Variants in CTR9 observed in about 807,000 individuals in gnomAD.
CTR9 encodes CTR9 component of Paf1/RNA polymerase II complex.
CTR9 carries 41 observed loss-of-function variants against 152.1 expected under a neutral mutation model. The observed-to-expected ratio is 0.27, with a 90% CI of 0.21 to 0.35. The LOEUF (loss-of-function observed/expected upper bound fraction) is 0.35. Among genes scored for constraint, CTR9 ranks in the 10% least tolerant of loss-of-function variants. The pLI, the probability that CTR9 is intolerant of heterozygous loss-of-function variation, is 1.00. For missense variants in CTR9, 917 were observed against 1,424.4 expected (o/e 0.64, Z 5.73); for synonymous variants, 476 against 496.2 (o/e 0.96, Z 0.54).
chr11:10,778,630 C>A, intron 24 of CTR9, 49 bp from the exon 25 acceptor site: 1 of 1,556,418 alleles, frequency 6.4e-7, no homozygotes, highest in Non-Finnish European at 8.7e-7. Context: ...TCATCAAGGC[C>A]CCAGTTAGCC....
At chr11:10,762,846 T>C (rs1056547707) in intron 7 of CTR9, among the ~76,000 whole-genome samples, 1 of 151,672 alleles carries the variant, frequency 6.6e-6, no homozygotes, top group Non-Finnish European at 1.5e-5. Context: ...TCTACAGAAA[T>C]TTTTAAAAAT....
In CTR9 at chr11:10,778,963, G is replaced by C; in HGVS notation, c.3380G>C (p.Ser1127Thr). The C allele has an allele frequency of 6.2e-7, 1 of 1,614,176 alleles. No individual in the cohort carries two copies. Among genetic ancestry groups the C allele is most frequent in the Non-Finnish European group, 8.5e-7 (1 of 1,180,028 alleles). ...SENDSRPASPSAESDHESERG... is the reference protein window; with the variant it reads ...SENDSRPASPTAESDHESERG... ...AACGACTCTCGCCCAGCTTCTCCAA[G>C]TGCCGAATCAGATCACGAATCGGAG... Residue 1127 changes from serine to threonine, a missense_variant, in exon 25 of 25, where the codon AGT becomes ACT. Transcript: ENST00000361367.
At chr11:10,772,360 C>A in intron 19 of CTR9, 160 bp from the exon 20 acceptor site, 1 of 588,948 alleles carries the variant, frequency 1.7e-6, no homozygotes, top group African/African-American at 1.9e-5. Context: ...GTCTCTTAAA[C>A]AAAAAAGGAA....
chr11:10,767,165 TC>T lies in CTR9; in HGVS notation c.1687-640del. On this transcript the variant is annotated intron_variant, in intron 13 of 24. Transcript: ENST00000361367. This position sits in a 1 kb window ranked among gnomAD's most constrained non-coding sequence, Gnocchi z 4.0. The stretch of plus-strand genomic sequence containing the variant: ...GGTCTACAACAAGAAGTGTATATTT[TC>T]AAACAATTTTTTAATGATTTAACAA... The T allele has an allele frequency of 6.5e-6, 1 of 152,976 alleles. No individual in the cohort carries two copies. Among genetic ancestry groups the T allele is most frequent in the African/African-American group, 2.4e-5 (1 of 41,594 alleles). 9.5% of individuals were successfully genotyped at this position (152,976 alleles called of 1,614,324 possible).
At chr11:10,765,622 C>T (rs932147335) in intron 12 of CTR9, among the ~76,000 whole-genome samples, 20 of 152,024 alleles carry the variant, frequency 1.3e-4, no homozygotes, top group Non-Finnish European at 2.4e-4. Flanking sequence ...CGACTACGTC[C>T]GACTAATTTT....
chr11:10,766,555 G>T, intron 13 of CTR9, 65 bp downstream of exon 13: 1 of 1,233,126 alleles, frequency 8.1e-7, no homozygotes, highest in East Asian at 2.5e-5. Flanking sequence ...CCATAAATCA[G>T]TTTTTCCTTT....
At chr11:10,776,354 C>A (rs1388890680) in intron 24 of CTR9, among the ~76,000 whole-genome samples, 1 of 152,170 alleles carries the variant, frequency 6.6e-6, no homozygotes, top group Non-Finnish European at 1.5e-5. Flanking sequence ...AGTACCTGCT[C>A]CGTGGAGGAC....
At position 10,764,301 on chromosome 11, in the gene CTR9, A is replaced by C; in HGVS notation, c.1285-7A>C. 1 of 1,613,996 alleles carries C rather than the reference A, an allele frequency of 6.2e-7. No individual in the cohort carries two copies. The highest frequency in any genetic ancestry group is 8.5e-7 in the Non-Finnish European group (1 of 1,179,956). Reference sequence around the variant, plus strand: ...TACACCTTTTTCTGTCAATCATGAAAATACAGGGTGCCCTTTCAGCCTATG... The same window carrying C: ...TACACCTTTTTCTGTCAATCATGAACATACAGGGTGCCCTTTCAGCCTATG... On this transcript the variant is annotated splice_region_variant and splice_polypyrimidine_tract_variant and intron_variant, in intron 10 of 24. Coordinates refer to ENST00000361367, the MANE Select transcript of CTR9 (RefSeq NM_014633.5).
rs763236195 is a variant in CTR9, at chr11:10,775,199, T to G, written c.2886-8T>G. 6.8e-6 allele frequency: 11 copies of G among 1,611,102 alleles called. No homozygotes were observed. The highest frequency in any genetic ancestry group is 9.3e-6 in the Non-Finnish European group (11 of 1,177,744). Reference sequence around the variant, plus strand: ...TGACAAACTCTCTCTTGGTGTTCACTATTTAAGACATCCAAAGGGAGAAGA... The same window carrying G: ...TGACAAACTCTCTCTTGGTGTTCACGATTTAAGACATCCAAAGGGAGAAGA... On this transcript the variant is annotated splice_region_variant and splice_polypyrimidine_tract_variant and intron_variant, in intron 22 of 24. Transcript: ENST00000361367.
intron 5 of CTR9, among the ~76,000 whole-genome samples, chr11:10,758,077 A>G (rs1462543257): frequency 6.6e-6 from 1 of 152,146 alleles, no homozygotes; most frequent in Admixed American, 6.5e-5. Context: ...TAGAGAGAGA[A>G]AGAGTTGGGG....
intron 21 of CTR9, 99 bp downstream of exon 21, chr11:10,773,372 T>G: frequency 7.1e-7 from 1 of 1,409,996 alleles, no homozygotes. Flanking sequence ...ACTTACTAGT[T>G]TTGACTTCCT....
Position 10,760,190 on chromosome 11 carries a change from A to G in CTR9, c.610A>G (p.Met204Val). 1 of 1,613,926 alleles carries G rather than the reference A, an allele frequency of 6.2e-7. No homozygotes were observed. The highest frequency in any genetic ancestry group is 8.5e-7 in the Non-Finnish European group (1 of 1,179,850). The change falls in exon 6 of 25, where the codon ATG becomes GTG. Residue 204 changes from methionine (M) to valine (V), a missense_variant. Met to Val is a conservative substitution (Grantham distance 21). Transcript: ENST00000361367. Reference sequence around the variant, plus strand: ...TTTTATAGCGGAAGTTCGTTTAGGAATGGGTCATTGCTTTGTGAAACTTAA... The same window carrying G: ...TTTTATAGCGGAAGTTCGTTTAGGAGTGGGTCATTGCTTTGTGAAACTTAA... ...PGCPAEVRLG[M>V]GHCFVKLNKL...
intron 16 of CTR9, among the ~76,000 whole-genome samples, chr11:10,769,715 C>G (rs774413116): frequency 6.6e-6 from 1 of 152,160 alleles, no homozygotes; most frequent in Non-Finnish European, 1.5e-5. Flanking sequence ...TCAAAAAGTG[C>G]TATGTTCATG....
chr11:10,764,184 G>C lies in CTR9; in HGVS notation c.1267G>C (p.Glu423Gln). Residue 423 changes from glutamate (E) to glutamine (Q), a missense_variant, in exon 10 of 25, where the codon GAA (glutamate) becomes CAA (glutamine). By Grantham distance (29) the Glu-to-Gln change is conservative. Transcript: ENST00000361367. ...TTGGATTGAATTGGCACAAATCTTA[G>C]AACAGACTGATATACAGGTATTTTA... ...EAWIELAQIL[E>Q]QTDIQGALSA... is the part of the protein sequence containing the mutation. 1 of 1,614,112 alleles carries C rather than the reference G, an allele frequency of 6.2e-7. No individual in the cohort carries two copies. Among genetic ancestry groups the C allele is most frequent in the African/African-American group, 1.3e-5 (1 of 75,034 alleles).
intron 19 of CTR9, 41 bp from the exon 20 acceptor site, chr11:10,772,479 A>G (rs757468592): frequency 7.3e-7 from 1 of 1,366,830 alleles, no homozygotes; most frequent in East Asian, 2.7e-5. Context: ...TTTTTAATAT[A>G]GTAGTTACAT....
intron 7 of CTR9, among the ~76,000 whole-genome samples, 174 bp from the exon 8 acceptor site, chr11:10,763,257 C>G (rs1450467766): frequency 2.0e-5 from 3 of 148,738 alleles, no homozygotes; most frequent in African/African-American, 7.4e-5. Context: ...AAACATACTC[C>G]CCTTTCATAG....
At position 10,754,808 on chromosome 11, in the gene CTR9, C is replaced by T. The variant is rs1025797616; in HGVS notation, c.145-150C>T. On this transcript the variant is annotated intron_variant, in intron 2 of 24. Transcript: ENST00000361367. ...GATAGTATCCATTTTATGGATACAC[C>T]ACAGCTTGTTTATCCATTCACCTGT... The T allele has an allele frequency of 9.5e-5, 69 of 725,238 alleles. No homozygotes were observed. The East Asian group carries it at 1.6e-3, about 17-fold the overall frequency. The allele number at this position is 725,238 out of a possible 1,614,324, so 44.9% of individuals were successfully genotyped here.
chr11:10,762,391 T>C (rs1002310725), intron 7 of CTR9, among the ~76,000 whole-genome samples: 5 of 152,230 alleles, frequency 3.3e-5, no homozygotes, highest in African/African-American at 1.2e-4. Context: ...TACTCATTTA[T>C]GGTAGAGAAA....
In CTR9 at chr11:10,775,711, TAAGAAA is replaced by T. The variant is rs1863221967; in HGVS notation, c.3095+81_3095+86del. ...TGATTACTAATCAGCCTGTCTGTAC[TAAGAAA>T]AATATACTTTTCTTTCTTTTTCTTT... On this transcript the variant is annotated intron_variant, in intron 24 of 24. Coordinates refer to ENST00000361367, the MANE Select transcript of CTR9 (RefSeq NM_014633.5). 3 of 885,074 alleles carry T rather than the reference TAAGAAA, an allele frequency of 3.4e-6. No individual in the cohort carries two copies. In the African/African-American group the frequency reaches 5.3e-5, roughly 16 times the overall value. The allele number at this position is 885,074 out of a possible 1,614,324, so 54.8% of individuals were successfully genotyped here. A position where few individuals can be genotyped will look rare whatever the true frequency, so the allele number is the denominator to read the frequency against.
Sources: gnomAD v4.1 joint callset for allele counts (sites outside exome capture counted in the v4.1 genomes callset) on GRCh38, gnomAD v4.1.1 for gene constraint, Gnocchi (gnomAD v3.1) non-coding constraint, MANE v1.5 for transcripts, NCBI Gene and HGNC (gene_info 2026-07-23, HGNC 2026-07-21) for gene names.